CCDC175: variants seen among roughly 807,000 people sequenced by gnomAD.
CCDC175 encodes the protein coiled-coil domain-containing protein 175.
CCDC175 carries 100 observed loss-of-function variants against 114.6 expected under a neutral mutation model. The observed-to-expected ratio is 0.87, with a 90% CI of 0.74 to 1.03. The LOEUF (loss-of-function observed/expected upper bound fraction) is 1.03, where lower values mean the gene tolerates loss of function less well. CCDC175 is among the 50% of genes least tolerant of loss of function. The pLI is 0.00. For synonymous variants in CCDC175, 306 were observed against 308.7 expected, an observed-to-expected ratio of 0.99 and a Z score of 0.09; for missense variants, 880 against 917.8, an observed-to-expected ratio of 0.96 and a Z score of 0.53.
At chr14:59,548,623 G>T (rs1326743228) in intron 8 of CCDC175, among the ~76,000 whole-genome samples, 1 of 152,172 alleles carries the variant, frequency 6.6e-6, no homozygotes, top group Non-Finnish European at 1.5e-5. Context: ...ACTAGCTTCT[G>T]CAGTAGGAAA....
At chr14:59,550,666 A>G (rs1469399098) in intron 8 of CCDC175, among the ~76,000 whole-genome samples, 1 of 152,156 alleles carries the variant, frequency 6.6e-6, no homozygotes, top group Non-Finnish European at 1.5e-5. Context: ...TCCAAGTACC[A>G]AAGCTGAAGA....
intron 8 of CCDC175, among the ~76,000 whole-genome samples, chr14:59,545,675 T>C (rs1895061127): frequency 6.6e-6 from 1 of 152,202 alleles, no homozygotes; most frequent in African/African-American, 2.4e-5. Flanking sequence ...TGAGTTGATA[T>C]TATGCTTGCT....
chr14:59,531,733 C>G (rs957343385), intron 14 of CCDC175, 39 bp downstream of exon 14: 45 of 1,390,162 alleles, frequency 3.2e-5, no homozygotes, highest in Non-Finnish European at 4.1e-5. Flanking sequence ...GAAATCCTTA[C>G]CTGGGATTGA....
chr14:59,558,470 A>T (rs907687391), intron 7 of CCDC175, among the ~76,000 whole-genome samples: 3 of 152,172 alleles, frequency 2.0e-5, no homozygotes, highest in African/African-American at 4.8e-5. Flanking sequence ...TATTCAGCAT[A>T]TATTTTGAAT....
chr14:59,575,323 G>A (rs1341761979), intron 1 of CCDC175, among the ~76,000 whole-genome samples: 1 of 152,072 alleles, frequency 6.6e-6, no homozygotes, highest in Non-Finnish European at 1.5e-5. Flanking sequence ...TATGTTCTGA[G>A]TGTCTAGACA....
intron 14 of CCDC175, among the ~76,000 whole-genome samples, chr14:59,530,738 T>C (rs1451929810): frequency 1.3e-5 from 2 of 152,206 alleles, no homozygotes; most frequent in East Asian, 1.9e-4. Context: ...TTTGAACATA[T>C]TGGGGTTCCA....
At chr14:59,526,909 C>T (rs936319779) in intron 15 of CCDC175, among the ~76,000 whole-genome samples, 186 bp downstream of exon 15, 1 of 152,044 alleles carries the variant, frequency 6.6e-6, no homozygotes, top group Non-Finnish European at 1.5e-5. Flanking sequence ...CATATGTGTA[C>T]AGGTGTATGT....
chr14:59,564,587 ATTG>A (rs1240233102), intron 5 of CCDC175: 1 of 154,816 alleles, frequency 6.5e-6, no homozygotes, highest in Non-Finnish European at 1.4e-5. Context: ...CTCTCGAAAC[ATTG>A]TTTTCTCTTT....
At chr14:59,543,954 C>T (rs1330627168) in intron 9 of CCDC175, among the ~76,000 whole-genome samples, 4 of 152,122 alleles carry the variant, frequency 2.6e-5, no homozygotes, top group Non-Finnish European at 4.4e-5. Context: ...CATGTTCTTC[C>T]ATGGAAGGTG....
At chr14:59,521,777 C>T (rs928852714) in intron 16 of CCDC175, 101 bp from the exon 17 acceptor site, 1 of 678,374 alleles carries the variant, frequency 1.5e-6, no homozygotes, top group African/African-American at 1.8e-5. Flanking sequence ...TCCTCTGCGC[C>T]ACCCACTATT....
intron 19 of CCDC175, among the ~76,000 whole-genome samples, chr14:59,506,275 AT>A (rs35322741): frequency 0.39 from 52,494 of 135,776 alleles, 9,869 homozygotes; most frequent in African/African-American, 0.51. Context: ...GAGCACAGGG[AT>A]TTTTTTTTTT....
intron 1 of CCDC175, 125 bp downstream of exon 1, chr14:59,576,493 AG>A: frequency 1.1e-6 from 1 of 884,102 alleles, no homozygotes; most frequent in East Asian, 3.3e-5. Context: ...AGCGGGGAGA[AG>A]GCTCTGCCCT....
At chr14:59,533,757 G>A (rs966315184) in intron 13 of CCDC175, among the ~76,000 whole-genome samples, 4 of 152,144 alleles carry the variant, frequency 2.6e-5, no homozygotes. Context: ...GGGAGGCAGA[G>A]GCGGGCAGAT....
rs561394515 is a variant in CCDC175 at position 59,511,823 on chromosome 14, A to G, written c.2099-20T>C. On this transcript the variant is annotated intron_variant, in intron 17 of 19. Transcript: ENST00000537690. Reference sequence around the variant, plus strand: ...ATTGTGCTAAAATAAAGATTTAAAAAATACAATGGTTACTGACACAATCTG... The same window carrying G: ...ATTGTGCTAAAATAAAGATTTAAAAGATACAATGGTTACTGACACAATCTG... 23 of 1,495,690 alleles carry G rather than the reference A, an allele frequency of 1.5e-5. No individual in the cohort carries two copies. The highest frequency in any genetic ancestry group is 2.0e-5 in the Non-Finnish European group (22 of 1,109,822). 92.7% of individuals were successfully genotyped at this position (1,495,690 alleles called of 1,614,324 possible). A position where few individuals can be genotyped will look rare whatever the true frequency, so the allele number is the denominator to read the frequency against.
At chr14:59,519,451 T>A (rs1226376465) in intron 17 of CCDC175, among the ~76,000 whole-genome samples, 1 of 152,128 alleles carries the variant, frequency 6.6e-6, no homozygotes, top group Non-Finnish European at 1.5e-5. Context: ...AAGTACTACC[T>A]TAAAAGACAA....
intron 19 of CCDC175, 150 bp from the exon 20 acceptor site, chr14:59,505,465 C>T (rs1442318062): frequency 1.2e-5 from 5 of 415,428 alleles, no homozygotes; most frequent in Non-Finnish European, 2.1e-5. Flanking sequence ...TGTCATGTGT[C>T]TGATTACTAG....
chr14:59,539,370 G>A (rs538344717), intron 11 of CCDC175, among the ~76,000 whole-genome samples: 1 of 152,160 alleles, frequency 6.6e-6, no homozygotes, highest in East Asian at 1.9e-4. Context: ...CTGAGGTCAG[G>A]CATTCAAGAC....
rs3084296 is a variant in CCDC175 at position 59,533,987 on chromosome 14, T to TAAAA, written c.1624-2081_1624-2078dup. ...CTGGGCAACAGGGTGAGACCCCTTT[T>TAAAA]AAAAAAAAAAAAAAAAAAAGAAACG... On this transcript the variant is annotated intron_variant, in intron 13 of 19. Coordinates refer to ENST00000537690, the MANE Select transcript of CCDC175 (RefSeq NM_001164399.2). Among the ~76,000 whole-genome samples the TAAAA allele has an allele frequency of 2.8e-3, 371 of 133,538 alleles. 2 individuals are homozygous for TAAAA. The highest frequency in any genetic ancestry group is 9.6e-3 in the East Asian group (43 of 4,468). The allele number at this position is 133,538 out of a possible 152,430, so 87.6% of individuals were successfully genotyped here. A position where few individuals can be genotyped will look rare whatever the true frequency, so the allele number is the denominator to read the frequency against.
At chr14:59,514,589 A>C (rs1417258903) in intron 17 of CCDC175, among the ~76,000 whole-genome samples, 2 of 152,208 alleles carry the variant, frequency 1.3e-5, no homozygotes, top group Non-Finnish European at 2.9e-5. Flanking sequence ...AAATGAATGA[A>C]ATGAAGCGAG....
Sources: gnomAD v4.1 joint callset for allele counts (sites outside exome capture counted in the v4.1 genomes callset) on GRCh38, gnomAD v4.1.1 for gene constraint, MANE v1.5 for transcripts, NCBI Gene and HGNC (gene_info 2026-07-23, HGNC 2026-07-21) for gene names.